ARVCF: variants seen among roughly 807,000 people sequenced by gnomAD.
ARVCF encodes ARVCF delta catenin family member, also known as splicing regulator ARVCF.
A neutral mutation model predicts 90.9 loss-of-function variants in ARVCF; 66 were observed. The observed-to-expected ratio is 0.73, with a 90% CI of 0.60 to 0.89. The LOEUF (loss-of-function observed/expected upper bound fraction) is 0.89, where lower values mean the gene tolerates loss of function less well. Among genes scored for constraint, ARVCF ranks in the 40% least tolerant of loss-of-function variants. The pLI is 0.00. For missense variants in ARVCF, 1,469 were observed against 1,382.3 expected (o/e 1.06, Z -1.00); for synonymous variants, 653 against 603.4 (o/e 1.08, Z -1.21).
intron 2 of ARVCF, among the ~76,000 whole-genome samples, chr22:19,998,164 C>T (rs1421245394): frequency 1.3e-5 from 2 of 152,206 alleles, no homozygotes; most frequent in African/African-American, 4.8e-5. Flanking sequence ...GCTGAGGGGC[C>T]TCAGCGGGCA....
intron 11 of ARVCF, among the ~76,000 whole-genome samples, chr22:19,974,618 G>A (rs556213342): frequency 1.3e-5 from 2 of 151,818 alleles, no homozygotes; most frequent in Non-Finnish European, 2.9e-5. Context: ...CTGGCAACAA[G>A]ACCAGCATTG....
At chr22:19,983,161 G>A (rs373255569) in intron 3 of ARVCF, among the ~76,000 whole-genome samples, 1 of 152,262 alleles carries the variant, frequency 6.6e-6, no homozygotes, top group South Asian at 2.1e-4. Flanking sequence ...GGATGGGCAG[G>A]AGCTGAAACC....
chr22:19,975,896 G>A (rs1943127821), intron 10 of ARVCF, 139 bp from the exon 11 acceptor site: 1 of 820,126 alleles, frequency 1.2e-6, no homozygotes, highest in South Asian at 1.6e-5. Flanking sequence ...TGGGAGTGGA[G>A]CACCGTTGTC....
chr22:19,973,578 C>T lies in ARVCF; in HGVS notation c.2239+65G>A, dbSNP rs2240713. ...AAACCACTCATCCTCCAAGCCCCTC[C>T]GATGGGACCCCAAAGCTGCAGGCAC... On this transcript the variant is annotated intron_variant, in intron 13 of 19. Coordinates refer to ENST00000263207, the MANE Select transcript of ARVCF (RefSeq NM_001670.3). 75,810 of 1,550,148 alleles carry T rather than the reference C, an allele frequency of 0.049. 2,195 individuals are homozygous for T. The highest frequency in any genetic ancestry group is 0.099 in the South Asian group (8,274 of 83,388).
rs553616292 is a variant in ARVCF at position 19,972,117 on chromosome 22, C to T, written c.2696-146G>A. On this transcript the variant is annotated intron_variant, in intron 17 of 19. Coordinates refer to ENST00000263207, the MANE Select transcript of ARVCF (RefSeq NM_001670.3). The stretch of plus-strand genomic sequence containing the variant: ...ACCCACCCTGTCCTGGAGATCCAGG[C>T]TGGTGCCAGCTCTCACCAACACCCT... The T allele has an allele frequency of 5.8e-5, 53 of 906,930 alleles. No individual in the cohort carries two copies. The African/African-American group carries it at 8.0e-4, about 14-fold the overall frequency. The allele number at this position is 906,930 out of a possible 1,614,324, so 56.2% of individuals were successfully genotyped here. A position where few individuals can be genotyped will look rare whatever the true frequency, so the allele number is the denominator to read the frequency against.
At chr22:19,993,726 C>T (rs1944116677) in intron 2 of ARVCF, among the ~76,000 whole-genome samples, 1 of 152,366 alleles carries the variant, frequency 6.6e-6, no homozygotes, top group East Asian at 1.9e-4. Flanking sequence ...AATGACATTG[C>T]ACAGCCCACG....
chr22:20,015,531 G>C (rs1325077799), intron 1 of ARVCF, among the ~76,000 whole-genome samples: 8 of 152,152 alleles, frequency 5.3e-5, no homozygotes, highest in Non-Finnish European at 1.0e-4. Flanking sequence ...GTTTGGACCA[G>C]ACCTCTAAAC....
intron 2 of ARVCF, among the ~76,000 whole-genome samples, chr22:20,008,442 C>T (rs1944711501): frequency 1.3e-5 from 2 of 152,236 alleles, no homozygotes; most frequent in African/African-American, 4.8e-5. Flanking sequence ...TACTCATCAC[C>T]ATCTTGTAAC....
chr22:20,011,175 C>G (rs188989048), intron 1 of ARVCF, among the ~76,000 whole-genome samples: 1 of 152,252 alleles, frequency 6.6e-6, no homozygotes, highest in Non-Finnish European at 1.5e-5. Flanking sequence ...TGCCTGTACT[C>G]ACACAGCTTT....
At chr22:20,016,547 C>G (rs1945189382) in intron 1 of ARVCF, 42 bp downstream of exon 1, 1 of 151,790 alleles carries the variant, frequency 6.6e-6, no homozygotes, top group South Asian at 2.1e-4. Context: ...ACCCGAGGCC[C>G]CAGCCCCGGG....
At chr22:20,013,335 C>T (rs1361410324) in intron 1 of ARVCF, among the ~76,000 whole-genome samples, 2 of 152,354 alleles carry the variant, frequency 1.3e-5, no homozygotes, top group Admixed American at 1.3e-4. Flanking sequence ...GCTACGCAGG[C>T]ACAGGGCTAG....
chr22:19,998,421 G>A (rs1428258866), intron 2 of ARVCF, among the ~76,000 whole-genome samples: 1 of 152,174 alleles, frequency 6.6e-6, no homozygotes, highest in Non-Finnish European at 1.5e-5. Context: ...GTAAAGCAGG[G>A]CCCGCCGGCC....
intron 2 of ARVCF, among the ~76,000 whole-genome samples, chr22:20,003,960 C>T (rs1023070518): frequency 1.3e-5 from 2 of 152,028 alleles, no homozygotes; most frequent in African/African-American, 4.8e-5. Flanking sequence ...TTATATAAAA[C>T]CGTAAAGATT....
At chr22:20,004,052 A>G (rs912865621) in intron 2 of ARVCF, among the ~76,000 whole-genome samples, 4 of 152,196 alleles carry the variant, frequency 2.6e-5, no homozygotes, top group African/African-American at 9.6e-5. Context: ...ATACCCAGAA[A>G]TCAGTTGCAT....
At chr22:20,013,340 G>T (rs1018294748) in intron 1 of ARVCF, among the ~76,000 whole-genome samples, 1 of 152,210 alleles carries the variant, frequency 6.6e-6, no homozygotes, top group Non-Finnish European at 1.5e-5. Flanking sequence ...GCAGGCACAG[G>T]GCTAGTCCTT....
At chr22:20,010,743 T>A (rs1002210960) in intron 1 of ARVCF, among the ~76,000 whole-genome samples, 2 of 152,332 alleles carry the variant, frequency 1.3e-5, no homozygotes, top group African/African-American at 4.8e-5. Context: ...GCATGTCTAA[T>A]GCTGTTGACC....
chr22:19,965,909 T>C (rs1169922961), downstream of ARVCF, among the ~76,000 whole-genome samples: 2 of 151,966 alleles, frequency 1.3e-5, no homozygotes, highest in Non-Finnish European at 2.9e-5. Flanking sequence ...GGCAATTGGG[T>C]ATTGATGGCA....
intron 2 of ARVCF, among the ~76,000 whole-genome samples, chr22:20,001,543 C>T (rs893982017): frequency 2.0e-5 from 3 of 152,202 alleles, no homozygotes; most frequent in African/African-American, 7.2e-5. Flanking sequence ...ATGGCTCATA[C>T]CTATAATCCC....
chr22:20,006,373 C>T lies in ARVCF; in HGVS notation c.-19+4082G>A, dbSNP rs542354390. On this transcript the variant is annotated intron_variant, in intron 2 of 19. Transcript: ENST00000263207. ...CGGGCGGATCACGAGGTCAGGAGAT[C>T]GAGACCATCCTGGCTAACATGGTGA... Among the ~76,000 whole-genome samples, 6 of 151,772 alleles carry T rather than the reference C, an allele frequency of 4.0e-5. No homozygotes were observed. In the East Asian group the frequency reaches 7.8e-4, roughly 20 times the overall value.
Sources: allele counts gnomAD v4.1 joint callset (sites outside exome capture counted in the v4.1 genomes callset), GRCh38; gene constraint gnomAD v4.1.1; transcripts MANE v1.5; gene names NCBI Gene and HGNC (gene_info 2026-07-23, HGNC 2026-07-21).